CCDC171: variants seen among roughly 807,000 people sequenced by gnomAD.
CCDC171 encodes the protein coiled-coil domain-containing protein 171.
A neutral mutation model predicts 168.2 loss-of-function variants in CCDC171; 177 were observed. That is an observed-to-expected ratio of 1.05 (90% confidence interval 0.93 to 1.19). The LOEUF is 1.19. Ranked by LOEUF, CCDC171 falls within the 50% of genes most tolerant of loss-of-function variation. The pLI, the probability that CCDC171 is intolerant of heterozygous loss-of-function variation, is 0.00. For missense variants in CCDC171, 1,991 were observed against 1,539.0 expected, an observed-to-expected ratio of 1.29 and a Z score of -4.91; for synonymous variants, 687 against 540.8, an observed-to-expected ratio of 1.27 and a Z score of -3.75.
chr9:15,782,701 G>A (rs1012608820), intron 20 of CCDC171, among the ~76,000 whole-genome samples: 6 of 152,134 alleles, frequency 3.9e-5, no homozygotes, highest in South Asian at 4.1e-4. Flanking sequence ...AAGACCCAGC[G>A]CATAGAGGGA....
chr9:15,704,717 A>G (rs10738404), intron 11 of CCDC171, among the ~76,000 whole-genome samples: 62,390 of 152,044 alleles, frequency 0.41, 14,519 homozygotes, highest in East Asian at 0.78. Context: ...TCCGATGCAC[A>G]TGTCCCACCA....
intron 6 of CCDC171, among the ~76,000 whole-genome samples, chr9:15,602,884 C>T (rs2042964883): frequency 6.6e-6 from 1 of 152,070 alleles, no homozygotes; most frequent in Non-Finnish European, 1.5e-5. Context: ...TTTCAAACTC[C>T]TGACCTCAGG....
intron 4 of CCDC171, among the ~76,000 whole-genome samples, chr9:15,581,806 A>T (rs780048061): frequency 4.6e-5 from 7 of 152,116 alleles, no homozygotes; most frequent in African/African-American, 1.5e-4. Context: ...ACTTAAACGT[A>T]AGACCTAAAG....
rs746729978 is a variant in CCDC171, at chr9:15,678,803, C to T, written c.1122C>T (p.Asp374=). ...CCAAAAATAAGAAACTAAATGAAGA[C>T]ATCGAGGAACAGAAGAAAGTAATTA... The part of the protein sequence containing the change: ...YFSKNKKLNE[D]IEEQKKVIID... Residue 374 remains aspartate (D), a synonymous_variant, in exon 10 of 26, where the codon GAC becomes GAT. Transcript: ENST00000380701. 6.3e-7 allele frequency: 1 copy of T among 1,592,506 alleles called. No homozygotes were observed. Among genetic ancestry groups the T allele is most frequent in the South Asian group, 1.2e-5 (1 of 86,486 alleles).
chr9:15,594,742 G>A (rs1352173562), intron 6 of CCDC171, among the ~76,000 whole-genome samples: 2 of 152,058 alleles, frequency 1.3e-5, no homozygotes, highest in East Asian at 1.9e-4. Flanking sequence ...AAAGGCTGCA[G>A]GTCTCTGAAT....
intron 17 of CCDC171, 152 bp downstream of exon 17, chr9:15,744,929 A>G (rs868326834): frequency 6.6e-6 from 5 of 761,014 alleles, no homozygotes; most frequent in Non-Finnish European, 1.0e-5. Context: ...GTGTGTATGG[A>G]TAAGTGAATA....
At chr9:16,096,424 TGCTGCTACAGGAAGCAGAAGATG>T in the CCDC171 span, among the ~76,000 whole-genome samples, 3 of 152,210 alleles carry the variant, frequency 2.0e-5, no homozygotes, top group Non-Finnish European at 4.4e-5. Context: ...GAGGATTATA[TGCTGCTACAGGAAGCAGAAGATG>T]TGTGACTGCT....
intron 24 of CCDC171, among the ~76,000 whole-genome samples, chr9:15,901,562 A>G (rs963962509): frequency 6.6e-6 from 1 of 152,198 alleles, no homozygotes; most frequent in Non-Finnish European, 1.5e-5. Flanking sequence ...TGGACATCCT[A>G]TAATTTTTTT....
intron 3 of CCDC171, among the ~76,000 whole-genome samples, chr9:16,016,333 T>C (rs1833014982): frequency 6.6e-6 from 1 of 152,154 alleles, no homozygotes; most frequent in African/African-American, 2.4e-5. Flanking sequence ...TACTTGCAGA[T>C]TGCCTTCCCT....
intron 3 of CCDC171, among the ~76,000 whole-genome samples, chr9:16,015,853 G>A (rs1361839350): frequency 6.6e-6 from 1 of 152,102 alleles, no homozygotes; most frequent in Non-Finnish European, 1.5e-5. Flanking sequence ...TTCCAAATAA[G>A]TTGACTCCTA....
intron 2 of CCDC171, among the ~76,000 whole-genome samples, chr9:15,566,703 C>T (rs948736709): frequency 2.6e-5 from 4 of 152,124 alleles, no homozygotes; most frequent in Non-Finnish European, 4.4e-5. Context: ...CAGTTCTTTT[C>T]CTATAGGAGT....
At chr9:15,696,530 T>C (rs181519028) in intron 11 of CCDC171, among the ~76,000 whole-genome samples, 1 of 152,344 alleles carries the variant, frequency 6.6e-6, no homozygotes, top group African/African-American at 2.4e-5. Context: ...ATTATATTTG[T>C]TACAGCTTTG....
chr9:15,780,528 T>A (rs566969141), intron 20 of CCDC171, among the ~76,000 whole-genome samples: 6 of 152,018 alleles, frequency 3.9e-5, no homozygotes, highest in South Asian at 2.1e-4. Flanking sequence ...AAAAAAAAAA[T>A]TATATTTATT....
intron 24 of CCDC171, among the ~76,000 whole-genome samples, chr9:15,898,733 G>C (rs1401301324): frequency 6.6e-6 from 1 of 151,982 alleles, no homozygotes; most frequent in African/African-American, 2.4e-5. Flanking sequence ...TCACAGAAAA[G>C]TACAAAAATA....
chr9:15,694,645 C>A (rs139356887), intron 10 of CCDC171, among the ~76,000 whole-genome samples: 2 of 152,302 alleles, frequency 1.3e-5, no homozygotes, highest in Non-Finnish European at 2.9e-5. Context: ...CTCATCCAAT[C>A]CAATCCAGTT....
chr9:16,006,420 T>C (rs1030842156), intron 3 of CCDC171, among the ~76,000 whole-genome samples: 1 of 152,158 alleles, frequency 6.6e-6, no homozygotes, highest in African/African-American at 2.4e-5. Flanking sequence ...GCAGATTCTT[T>C]GCCCATTTTC....
At chr9:15,673,416 G>A (rs969219683) in intron 9 of CCDC171, among the ~76,000 whole-genome samples, 1 of 152,162 alleles carries the variant, frequency 6.6e-6, no homozygotes, top group Non-Finnish European at 1.5e-5. Flanking sequence ...GGGTCTCCTT[G>A]TCTTGTGCTG....
chr9:15,697,972 A>G (rs892404849), intron 11 of CCDC171, among the ~76,000 whole-genome samples: 1 of 152,244 alleles, frequency 6.6e-6, no homozygotes, highest in African/African-American at 2.4e-5. Context: ...TTAAGATACC[A>G]GTCACCTTGA....
At chr9:15,901,715 A>G (rs1374503625) in intron 24 of CCDC171, among the ~76,000 whole-genome samples, 1 of 152,202 alleles carries the variant, frequency 6.6e-6, no homozygotes, top group African/African-American at 2.4e-5. Context: ...TCTATTTGTT[A>G]AACATTAATG....
Sources: allele counts gnomAD v4.1 joint callset (sites outside exome capture counted in the v4.1 genomes callset), GRCh38; gene constraint gnomAD v4.1.1; transcripts MANE v1.5; gene names NCBI Gene and HGNC (gene_info 2026-07-23, HGNC 2026-07-21).